The following RELCH variants were observed in gnomAD, a reference collection of about 807,000 sequenced individuals.
RELCH encodes the protein RAB11 binding and LisH domain, coiled-coil and HEAT repeat containing, also known as RAB11-binding protein RELCH.
RELCH carries 41 observed loss-of-function variants against 150.3 expected under a neutral mutation model. The observed-to-expected ratio is 0.27, with a 90% CI of 0.21 to 0.35. The LOEUF is 0.35. Ranked by LOEUF, RELCH falls within the 10% of genes least tolerant of loss-of-function variation. The pLI is 1.00. For missense variants in RELCH, 1,092 were observed against 1,467.8 expected (o/e 0.74, Z 4.18); for synonymous variants, 478 against 531.8 (o/e 0.90, Z 1.39).
chr18:62,262,323 C>T (rs1266706713), intron 16 of RELCH, among the ~76,000 whole-genome samples: 1 of 152,016 alleles, frequency 6.6e-6, no homozygotes, highest in African/African-American at 2.4e-5. Context: ...TATAGACAAG[C>T]TATTGCTATG....
chr18:62,222,056 G>T (rs947847956), intron 5 of RELCH, among the ~76,000 whole-genome samples: 1 of 151,812 alleles, frequency 6.6e-6, no homozygotes, highest in African/African-American at 2.4e-5. Flanking sequence ...GGAATATTTT[G>T]ACTTCTTAGT....
At position 62,201,469 on chromosome 18, in the gene RELCH, GA is replaced by G. The variant is rs201847014; in HGVS notation, c.527-9683del. On this transcript the variant is annotated intron_variant, in intron 1 of 28. Transcript: ENST00000644646. ...AATTGTAATATAAAGCGAATTGCTT[GA>G]TTTTTTTTCCATTTAATTGTGAATT... Among the ~76,000 whole-genome samples, 10 of 151,992 alleles carry G rather than the reference GA, an allele frequency of 6.6e-5. No individual in the cohort carries two copies. The East Asian group carries it at 1.7e-3, about 26-fold the overall frequency.
At chr18:62,284,070 G>A (rs1172371786) in intron 25 of RELCH, among the ~76,000 whole-genome samples, 1 of 152,078 alleles carries the variant, frequency 6.6e-6, no homozygotes, top group Non-Finnish European at 1.5e-5. Context: ...GAATCCATCT[G>A]GATTCTTATA....
Position 62,252,644 on chromosome 18 carries a change from T to G in RELCH, c.1734-20T>G, listed in dbSNP as rs1247968560. 1 of 1,607,320 alleles carries G rather than the reference T, an allele frequency of 6.2e-7. No homozygotes were observed. The highest frequency in any genetic ancestry group is 2.2e-5 in the East Asian group (1 of 44,804). ...TGCTTTCTCATGCAAATACAAGCCG[T>G]TTTTTATATTATTTTTCAGGCAAAT... On this transcript the variant is annotated intron_variant, in intron 11 of 28. Coordinates refer to ENST00000644646, the MANE Select transcript of RELCH (RefSeq NM_001346231.2).
At chr18:62,274,999 C>T (rs973085108) in intron 21 of RELCH, among the ~76,000 whole-genome samples, 1 of 152,212 alleles carries the variant, frequency 6.6e-6, no homozygotes, top group Non-Finnish European at 1.5e-5. Flanking sequence ...TCACTGCAAC[C>T]TCTGCCTCCT....
chr18:62,277,889 C>T, intron 22 of RELCH: 1 of 932,550 alleles, frequency 1.1e-6, no homozygotes, highest in Non-Finnish European at 1.3e-6. Context: ...GGAAATTGAA[C>T]ATGTAACATT....
chr18:62,207,842 A>G (rs1390124025), intron 1 of RELCH, among the ~76,000 whole-genome samples: 1 of 152,206 alleles, frequency 6.6e-6, no homozygotes, highest in African/African-American at 2.4e-5. Flanking sequence ...CTATGATGCC[A>G]GCTAAAATCT....
chr18:62,222,456 G>A (rs145507125), intron 5 of RELCH, among the ~76,000 whole-genome samples: 1 of 151,884 alleles, frequency 6.6e-6, no homozygotes, highest in Non-Finnish European at 1.5e-5. Flanking sequence ...TTGAATATGT[G>A]AGAAACATTG....
chr18:62,221,372 T>C lies in RELCH; in HGVS notation c.745-12T>C. 1 of 1,572,972 alleles carries C rather than the reference T, an allele frequency of 6.4e-7. No individual in the cohort carries two copies. Among genetic ancestry groups the C allele is most frequent in the South Asian group, 1.1e-5 (1 of 89,876 alleles). On this transcript the variant is annotated splice_polypyrimidine_tract_variant and intron_variant, in intron 4 of 28. Coordinates refer to ENST00000644646, the MANE Select transcript of RELCH (RefSeq NM_001346231.2). Reference sequence around the variant, plus strand: ...CTTATGATTTCCTGTTTGCCTCTTATTTTGCTTCCAGGAGCCAATCAAACC... The same window carrying C: ...CTTATGATTTCCTGTTTGCCTCTTACTTTGCTTCCAGGAGCCAATCAAACC...
intron 23 of RELCH, 171 bp from the exon 24 acceptor site, chr18:62,280,475 C>T: frequency 1.3e-6 from 2 of 1,582,464 alleles, no homozygotes; most frequent in Non-Finnish European, 1.7e-6. Context: ...TTAAGTTATC[C>T]TGTCTGTCTT....
chr18:62,266,852 A>G, intron 19 of RELCH, 103 bp downstream of exon 19: 1 of 675,142 alleles, frequency 1.5e-6, no homozygotes, highest in East Asian at 2.9e-5. Flanking sequence ...ACTAGCAACT[A>G]CAATTGAAAA....
chr18:62,239,914 A>G lies in RELCH; in HGVS notation c.1621-4850A>G, dbSNP rs117994350. ...TATGTATTAAATTTTATACACTTGT[A>G]TCTTCGCTTATCAGTACCCTAATTT... On this transcript the variant is annotated intron_variant, in intron 10 of 28. Transcript: ENST00000644646. 3.3e-3 allele frequency among the ~76,000 whole-genome samples: 506 copies of G among 152,016 alleles called. 13 individuals carry two copies. The East Asian group carries it at 0.067, about 20-fold the overall frequency.
At chr18:62,253,079 T>G (rs1453981173) in intron 12 of RELCH, among the ~76,000 whole-genome samples, 1 of 152,072 alleles carries the variant, frequency 6.6e-6, no homozygotes. Flanking sequence ...TTGTAGTAAT[T>G]TATATTATGA....
chr18:62,208,990 T>C (rs1392760649), intron 1 of RELCH, among the ~76,000 whole-genome samples: 1 of 152,192 alleles, frequency 6.6e-6, no homozygotes, highest in Non-Finnish European at 1.5e-5. Flanking sequence ...CTCATGGCCC[T>C]CCTCCACTTT....
At chr18:62,207,793 A>G (rs1285900829) in intron 1 of RELCH, among the ~76,000 whole-genome samples, 2 of 152,148 alleles carry the variant, frequency 1.3e-5, no homozygotes, top group African/African-American at 4.8e-5. Flanking sequence ...ATCACCCCAA[A>G]AGAAACCCTG....
At chr18:62,266,850 C>A in intron 19 of RELCH, 101 bp downstream of exon 19, 3 of 687,840 alleles carry the variant, frequency 4.4e-6, no homozygotes, top group Non-Finnish European at 4.8e-6. Flanking sequence ...GAACTAGCAA[C>A]TACAATTGAA....
chr18:62,289,704 G>A (rs142473695), intron 26 of RELCH, among the ~76,000 whole-genome samples: 2 of 152,306 alleles, frequency 1.3e-5, no homozygotes, highest in East Asian at 3.9e-4. Context: ...ATTGTTAGCA[G>A]TCAGAGGCTA....
At chr18:62,206,328 T>A (rs2039776018) in intron 1 of RELCH, among the ~76,000 whole-genome samples, 1 of 152,246 alleles carries the variant, frequency 6.6e-6, no homozygotes, top group African/African-American at 2.4e-5. Context: ...AATTAAATGT[T>A]TCTCCAGATA....
At chr18:62,301,914 G>C (rs1397438217) in intron 28 of RELCH, among the ~76,000 whole-genome samples, 1 of 152,166 alleles carries the variant, frequency 6.6e-6, no homozygotes, top group Non-Finnish European at 1.5e-5. Flanking sequence ...CTACAAAGTA[G>C]ATACTTTTAC....
Sources: allele counts gnomAD v4.1 joint callset (sites outside exome capture counted in the v4.1 genomes callset), GRCh38; gene constraint gnomAD v4.1.1; transcripts MANE v1.5; gene names NCBI Gene and HGNC (gene_info 2026-07-23, HGNC 2026-07-21).